The following AKAP8L variants were observed in gnomAD, a reference collection of about 807,000 sequenced individuals.
AKAP8L encodes the protein A-kinase anchoring protein 8 like, also known as A-kinase anchor protein 8-like.
In AKAP8L, 34 loss-of-function variants were observed where a neutral mutation model predicts 77.5. That is an observed-to-expected ratio of 0.44 (90% CI 0.33 to 0.58). AKAP8L has a LOEUF of 0.58. AKAP8L is among the 20% of genes least tolerant of loss of function. AKAP8L has a pLI of 0.02. For missense variants in AKAP8L, 806 were observed against 887.6 expected, an observed-to-expected ratio of 0.91 and a Z score of 1.17; for synonymous variants, 342 against 340.7, an observed-to-expected ratio of 1.00 and a Z score of -0.04.
chr19:15,396,673 A>G (rs1599602941), intron 12 of AKAP8L, among the ~76,000 whole-genome samples: 1 of 151,928 alleles, frequency 6.6e-6, no homozygotes, highest in East Asian at 1.9e-4. Flanking sequence ...TCTTGTCTGG[A>G]GACTGCAGGA....
chr19:15,411,291 C>G (rs1968100403), intron 1 of AKAP8L, among the ~76,000 whole-genome samples: 1 of 152,220 alleles, frequency 6.6e-6, no homozygotes. Flanking sequence ...ACCCCCCTCC[C>G]TGTTCTAAAT....
intron 1 of AKAP8L, among the ~76,000 whole-genome samples, chr19:15,415,472 T>G (rs1245278136): frequency 1.3e-5 from 2 of 152,070 alleles, no homozygotes; most frequent in South Asian, 2.1e-4. Flanking sequence ...TTTATACTTT[T>G]CCTTTCTCCT....
intron 12 of AKAP8L, among the ~76,000 whole-genome samples, chr19:15,395,590 C>T (rs1416792800): frequency 6.6e-6 from 1 of 150,472 alleles, no homozygotes; most frequent in Non-Finnish European, 1.5e-5. Context: ...TGGGATTACA[C>T]GCGTGAGCCA....
Position 15,398,909 on chromosome 19 carries a change from G to T in AKAP8L, c.1157+393C>A. On this transcript the variant is annotated intron_variant, in intron 9 of 13. Coordinates refer to ENST00000397410, the MANE Select transcript of AKAP8L (RefSeq NM_014371.4). This position sits in a 1 kb window ranked among gnomAD's most constrained non-coding sequence, Gnocchi z 9.2. ...GCTGCCATCTCTCCTGGGCACGGCG[G>T]TGGCCTCTTGGCAGCTAGCTGGGGC... The T allele has an allele frequency of 1.4e-6, 1 of 700,166 alleles. No homozygotes were observed. Among genetic ancestry groups the T allele is most frequent in the Non-Finnish European group, 1.9e-6 (1 of 533,806 alleles). The allele number at this position is 700,166 out of a possible 1,614,324, so 43.4% of individuals were successfully genotyped here.
chr19:15,380,659 A>G (rs1967390371), intron 12 of AKAP8L, 47 bp from the exon 13 acceptor site: 3 of 1,587,140 alleles, frequency 1.9e-6, no homozygotes, highest in African/African-American at 2.7e-5. Flanking sequence ...TGAGTGCCCT[A>G]CAAGTTGCTG....
At chr19:15,384,854 C>T (rs1205714983) in intron 12 of AKAP8L, among the ~76,000 whole-genome samples, 2 of 152,150 alleles carry the variant, frequency 1.3e-5, no homozygotes, top group Admixed American at 6.5e-5. Flanking sequence ...TTGCATTATA[C>T]CAATAATATT....
In AKAP8L at chr19:15,401,655, T is replaced by G; in HGVS notation, c.363-52A>C. ...GTGGAGCCCCTCAGGATCCCTCACC[T>G]CCAGGCAACTGCTCCTGCCCTCCCC... On this transcript the variant is annotated intron_variant, in intron 4 of 13. Transcript: ENST00000397410. The surrounding 1 kb of genome is among the most constrained non-coding windows in gnomAD (Gnocchi z 6.2). 2.1e-6 allele frequency: 3 copies of G among 1,407,824 alleles called. No individual in the cohort carries two copies. The highest frequency in any genetic ancestry group is 2.9e-6 in the Non-Finnish European group (3 of 1,043,880). The allele number at this position is 1,407,824 out of a possible 1,614,324, so 87.2% of individuals were successfully genotyped here.
At chr19:15,418,447 G>C (rs1296360181) in intron 1 of AKAP8L, among the ~76,000 whole-genome samples, 1 of 152,204 alleles carries the variant, frequency 6.6e-6, no homozygotes, top group Non-Finnish European at 1.5e-5. Context: ...AAAAGGGGGT[G>C]GTGGGTGGGA....
Position 15,380,119 on chromosome 19 carries a change from G to C in AKAP8L, c.*3C>G, listed in dbSNP as rs759414231. The C allele has an allele frequency of 6.1e-6, 9 of 1,480,080 alleles. No homozygotes were observed. The highest frequency in any genetic ancestry group is 2.5e-5 in the Admixed American group (1 of 40,800). The allele number at this position is 1,480,080 out of a possible 1,614,324, so 91.7% of individuals were successfully genotyped here. A position where few individuals can be genotyped will look rare whatever the true frequency, so the allele number is the denominator to read the frequency against. On this transcript the variant is annotated 3_prime_UTR_variant, in exon 14 of 14. Transcript: ENST00000397410. ...CGCGGGCTCCGCCCGCCCCGAGCTC[G>C]GGTCACGGGGCGCCCCCGCCGCCCT...
intron 7 of AKAP8L, 115 bp downstream of exon 7, chr19:15,400,679 G>A (rs1179079875): frequency 4.7e-6 from 6 of 1,278,852 alleles, no homozygotes; most frequent in Non-Finnish European, 6.7e-6. Context: ...CCCCATGCTG[G>A]TCACCATGCA....
intron 1 of AKAP8L, among the ~76,000 whole-genome samples, chr19:15,415,786 G>T (rs1364001464): frequency 9.9e-5 from 15 of 151,886 alleles, no homozygotes; most frequent in Admixed American, 5.9e-4. Flanking sequence ...CTTGGGAGGC[G>T]GAGGCAGGAG....
chr19:15,386,156 T>C (rs1406119466), intron 12 of AKAP8L, among the ~76,000 whole-genome samples: 15 of 151,490 alleles, frequency 9.9e-5, no homozygotes, highest in African/African-American at 3.2e-4. Flanking sequence ...GTGATCCGCC[T>C]GCCTCGGCCT....
At chr19:15,414,033 A>G (rs1336853901) in intron 1 of AKAP8L, among the ~76,000 whole-genome samples, 2 of 149,850 alleles carry the variant, frequency 1.3e-5, no homozygotes, top group Non-Finnish European at 3.0e-5. Flanking sequence ...TTCTGTAGCC[A>G]GTTTTGGCTC....
chr19:15,412,142 A>G (rs1968116959), intron 1 of AKAP8L, among the ~76,000 whole-genome samples: 1 of 152,224 alleles, frequency 6.6e-6, no homozygotes, highest in African/African-American at 2.4e-5. Flanking sequence ...CAGGAGGCAG[A>G]GGTTGCAGTG....
In AKAP8L at chr19:15,399,383, C is replaced by T; in HGVS notation, c.1076G>A (p.Gly359Asp). 6.2e-7 allele frequency: 1 copy of T among 1,613,878 alleles called. No homozygotes were observed. Among genetic ancestry groups the T allele is most frequent in the Non-Finnish European group, 8.5e-7 (1 of 1,179,844 alleles). The change falls in exon 9 of 14, where the codon GGC becomes GAC. Residue 359 changes from glycine (G) to aspartate (D), a missense_variant. Gly to Asp is a moderately conservative substitution (Grantham distance 94). This residue lies in a region of AKAP8L where 580 missense variants were observed against 694.1 expected (regional missense o/e 0.84). Coordinates refer to ENST00000397410, the MANE Select transcript of AKAP8L (RefSeq NM_014371.4). The surrounding 1 kb of genome is among the most constrained non-coding windows in gnomAD (Gnocchi z 6.1). ...TGCCTGCAACTTGCGCTTGGTCTGG[C>T]CATTTTCATCCTGGGTGGTTAGGGC... ...KGALTTQDEN[G>D]QTKRKLQAGK...
In AKAP8L at chr19:15,403,206, G is replaced by GCACAGTGA. The variant is rs2145135840; in HGVS notation, c.362+261_362+268dup. ...GTGGCTGAACACTCTGTTTTTGAGG[G>GCACAGTGA]CACAGTGAAGTCTGCCCAGTCTGGG... On this transcript the variant is annotated intron_variant, in intron 4 of 13. Coordinates refer to ENST00000397410, the MANE Select transcript of AKAP8L (RefSeq NM_014371.4). The surrounding 1 kb of genome is among the most constrained non-coding windows in gnomAD (Gnocchi z 4.3). 2.0e-6 allele frequency: 1 copy of GCACAGTGA among 499,158 alleles called. No homozygotes were observed. The highest frequency in any genetic ancestry group is 3.3e-5 in the Admixed American group (1 of 30,448). The allele number at this position is 499,158 out of a possible 1,614,324, so 30.9% of individuals were successfully genotyped here.
intron 8 of AKAP8L, chr19:15,400,005 G>C: frequency 1.9e-6 from 1 of 529,560 alleles, no homozygotes; most frequent in Non-Finnish European, 3.4e-6. Context: ...GAGGGCAGGG[G>C]GCGTGCCTGG....
intron 1 of AKAP8L, among the ~76,000 whole-genome samples, chr19:15,413,181 T>C (rs946513224): frequency 2.0e-5 from 3 of 152,190 alleles, no homozygotes; most frequent in Non-Finnish European, 4.4e-5. Flanking sequence ...CAAGATTCCT[T>C]ACTCTGCAAT....
At chr19:15,395,766 C>T (rs866632241) in intron 12 of AKAP8L, among the ~76,000 whole-genome samples, 1 of 145,914 alleles carries the variant, frequency 6.9e-6, no homozygotes, top group Non-Finnish European at 1.5e-5. Flanking sequence ...GGGCGGATCA[C>T]GAGGTCAGGA....
Sources: allele counts gnomAD v4.1 joint callset (sites outside exome capture counted in the v4.1 genomes callset), GRCh38; gene constraint gnomAD v4.1.1; regional missense constraint gnomAD v4.1.1; non-coding constraint Gnocchi (gnomAD v3.1); transcripts MANE v1.5; gene names NCBI Gene and HGNC (gene_info 2026-07-23, HGNC 2026-07-21).